The following PLAAT5 variants were observed in gnomAD, a reference collection of about 807,000 sequenced individuals.
The protein encoded by PLAAT5 is phospholipase A and acyltransferase 5, also known as Ca(2+)-independent N-acyltransferase.
PLAAT5 carries 27 observed loss-of-function variants against 27.8 expected under a neutral mutation model. That is an observed-to-expected ratio of 0.97 (90% CI 0.72 to 1.34). PLAAT5 has a LOEUF of 1.34. PLAAT5 is among the 40% of genes most tolerant of loss of function. The pLI is 0.00. For synonymous variants in PLAAT5, 125 were observed against 136.1 expected, an observed-to-expected ratio of 0.92 and a Z score of 0.57; for missense variants, 368 against 343.8, an observed-to-expected ratio of 1.07 and a Z score of -0.56.
intron 3 of PLAAT5, among the ~76,000 whole-genome samples, chr11:63,471,619 A>T (rs1234759598): frequency 6.6e-6 from 1 of 152,244 alleles, no homozygotes; most frequent in Non-Finnish European, 1.5e-5. Context: ...GTTGACTTAT[A>T]ACATTGTTTG....
At chr11:63,486,214 A>G (rs1190847952) in intron 3 of PLAAT5, among the ~76,000 whole-genome samples, 1 of 152,160 alleles carries the variant, frequency 6.6e-6, no homozygotes, top group Non-Finnish European at 1.5e-5. Context: ...ACTATGGAAA[A>G]CACCATGGAG....
chr11:63,474,575 G>A (rs2016109524), intron 3 of PLAAT5, among the ~76,000 whole-genome samples: 1 of 151,894 alleles, frequency 6.6e-6, no homozygotes, highest in Admixed American at 6.6e-5. Flanking sequence ...GGTTAGTGTA[G>A]CTAAAAGTTT....
In PLAAT5 at chr11:63,468,395, T is replaced by C; in HGVS notation, c.416A>G (p.Tyr139Cys). The C allele has an allele frequency of 3.1e-6, 5 of 1,614,130 alleles. No homozygotes were observed. Among genetic ancestry groups the C allele is most frequent in the South Asian group, 1.1e-5 (1 of 91,070 alleles). The change falls in exon 4 of 6, where the codon TAT becomes TGT. Residue 139 changes from tyrosine to cysteine, a missense_variant. Coordinates refer to ENST00000540857, the MANE Select transcript of PLAAT5 (RefSeq NM_001146729.2). ...FRIGYEHWAI[Y>C]VEDDCVVHLA... ...ATGGACCACGCAATCATCTTCTACA[T>C]AGATGGCCCAGTGCTCATAGCCAAT... is the stretch of plus-strand genomic sequence containing the variant.
At chr11:63,468,249 G>A in intron 4 of PLAAT5, 108 bp downstream of exon 4, 7 of 825,588 alleles carry the variant, frequency 8.5e-6, no homozygotes, top group African/African-American at 3.4e-5. Flanking sequence ...GCTTCAAGGG[G>A]TCCCATTGCT....
chr11:63,479,953 TA>T lies in PLAAT5; in HGVS notation c.345+8917del, dbSNP rs2016244728. Among the ~76,000 whole-genome samples, 10 of 152,184 alleles carry T rather than the reference TA, an allele frequency of 6.6e-5. 1 individual carries two copies. In the South Asian group the frequency reaches 2.1e-3, roughly 31 times the overall value. On this transcript the variant is annotated intron_variant, in intron 3 of 5. Transcript: ENST00000540857. ...TTGACACGTTATGTTACTCTTGAACTAACCCCTGATTCCATCTCACTCTACC... is the reference window on the plus strand; with the variant it reads ...TTGACACGTTATGTTACTCTTGAACTACCCCTGATTCCATCTCACTCTACC...
intron 3 of PLAAT5, among the ~76,000 whole-genome samples, chr11:63,487,102 A>G (rs1405427977): frequency 6.6e-6 from 1 of 152,204 alleles, no homozygotes; most frequent in Admixed American, 6.5e-5. Context: ...CGTTTTATAA[A>G]AGGAAAAGCT....
chr11:63,467,009 G>A (rs1201597621), intron 4 of PLAAT5, among the ~76,000 whole-genome samples: 1 of 152,224 alleles, frequency 6.6e-6, no homozygotes, highest in Non-Finnish European at 1.5e-5. Context: ...TCAGCCCTGA[G>A]ATGAGACAGA....
intron 3 of PLAAT5, among the ~76,000 whole-genome samples, chr11:63,479,365 T>C (rs923865575): frequency 1.3e-5 from 2 of 152,258 alleles, no homozygotes; most frequent in Non-Finnish European, 2.9e-5. Context: ...TCTGTCTTCA[T>C]AAATGGCAAA....
chr11:63,480,383 C>A (rs2120299515), intron 3 of PLAAT5, among the ~76,000 whole-genome samples: 1 of 152,256 alleles, frequency 6.6e-6, no homozygotes, highest in East Asian at 1.9e-4. Flanking sequence ...ACAGAAGGCT[C>A]AGGGATTGGA....
chr11:63,468,451 G>T lies in PLAAT5; in HGVS notation c.360C>A (p.Pro120=). The T allele has an allele frequency of 6.2e-7, 1 of 1,613,664 alleles. No individual in the cohort carries two copies. Among genetic ancestry groups the T allele is most frequent in the African/African-American group, 1.3e-5 (1 of 75,018 alleles). The change falls in exon 4 of 6, where the codon CCC becomes CCA. Residue 120 remains proline, a synonymous_variant. Transcript: ENST00000540857. The part of the protein sequence containing the change: ...IKQAAEGKPR[P]RPGDLIEIFR... ...AAATCTCAATCAGGTCTCCAGGTCT[G>T]GGTCTTGGTTTTCCCTATAATGGAA...
chr11:63,465,535 T>G (rs1366810931), intron 5 of PLAAT5, among the ~76,000 whole-genome samples: 1 of 151,842 alleles, frequency 6.6e-6, no homozygotes, highest in Non-Finnish European at 1.5e-5. Context: ...CTTACACCTG[T>G]AATCCCAGCA....
chr11:63,480,988 G>A (rs1018793593), intron 3 of PLAAT5, among the ~76,000 whole-genome samples: 1 of 152,118 alleles, frequency 6.6e-6, no homozygotes, highest in Non-Finnish European at 1.5e-5. Context: ...CATGCATTTT[G>A]TATATCTCTA....
intron 3 of PLAAT5, among the ~76,000 whole-genome samples, chr11:63,475,797 C>T (rs2016139515): frequency 6.6e-6 from 1 of 151,866 alleles, no homozygotes; most frequent in Non-Finnish European, 1.5e-5. Flanking sequence ...TGTGGTTGCT[C>T]TAGGGATTAC....
chr11:63,469,401 T>C (rs147452624), intron 3 of PLAAT5: 422 of 253,306 alleles, frequency 1.7e-3, no homozygotes, highest in Non-Finnish European at 2.7e-3. Flanking sequence ...AAGCCAGACC[T>C]GATCAACTAC....
intron 1 of PLAAT5, 70 bp from the exon 2 acceptor site, chr11:63,490,403 G>A (rs1469175650): frequency 6.2e-7 from 1 of 1,611,208 alleles, no homozygotes; most frequent in Non-Finnish European, 8.5e-7. Flanking sequence ...TGACCGCTAC[G>A]GAGAGTGGGC....
chr11:63,462,607 T>A lies in PLAAT5; in HGVS notation c.*896A>T, dbSNP rs539047808. 4 of 152,272 alleles carry A rather than the reference T, an allele frequency of 2.6e-5. No homozygotes were observed. In the East Asian group the frequency reaches 7.7e-4, roughly 29 times the overall value. The allele number at this position is 152,272 out of a possible 1,614,324, so 9.4% of individuals were successfully genotyped here. ...TATTTTCTAGGTATCTCTGGAGGCATAAGAGAACACTTTTCTAGCTTTTTT... is the reference window on the plus strand; with the variant it reads ...TATTTTCTAGGTATCTCTGGAGGCAAAAGAGAACACTTTTCTAGCTTTTTT... On this transcript the variant is annotated 3_prime_UTR_variant, in exon 6 of 6. Transcript: ENST00000540857.
chr11:63,483,782 AAAATATATATATATATATGT>A (rs2016344222), intron 3 of PLAAT5, among the ~76,000 whole-genome samples: 6 of 80,526 alleles, frequency 7.5e-5, no homozygotes, highest in African/African-American at 4.0e-4. Context: ...AAGCAAAAAA[AAAATATATATATATATATGT>A]ATATATATAT....
At position 63,463,252 on chromosome 11, in the gene PLAAT5, GA is replaced by G. The variant is rs1213560116; in HGVS notation, c.*250del. The G allele has an allele frequency of 2.1e-6, 1 of 475,966 alleles. No individual in the cohort carries two copies. The highest frequency in any genetic ancestry group is 1.9e-5 in the African/African-American group (1 of 52,142). 29.5% of individuals were successfully genotyped at this position (475,966 alleles called of 1,614,324 possible). A position where few individuals can be genotyped will look rare whatever the true frequency, so the allele number is the denominator to read the frequency against. ...AGAGAGTGAAATTAGATCCGTATATGAAATGCCTAGCACAGTGCCTGGCGCA... is the reference window on the plus strand; with the variant it reads ...AGAGAGTGAAATTAGATCCGTATATGAATGCCTAGCACAGTGCCTGGCGCA... On this transcript the variant is annotated 3_prime_UTR_variant, in exon 6 of 6. Transcript: ENST00000540857.
chr11:63,472,291 G>C (rs1476125398), intron 3 of PLAAT5, among the ~76,000 whole-genome samples: 1 of 152,160 alleles, frequency 6.6e-6, no homozygotes, highest in Non-Finnish European at 1.5e-5. Flanking sequence ...CACACACAGA[G>C]ACATTAGAGA....
Sources: gnomAD v4.1 joint callset for allele counts (sites outside exome capture counted in the v4.1 genomes callset) on GRCh38, gnomAD v4.1.1 for gene constraint, MANE v1.5 for transcripts, NCBI Gene and HGNC (gene_info 2026-07-23, HGNC 2026-07-21) for gene names.